PXDN: variants seen among roughly 807,000 people sequenced by gnomAD.
The protein encoded by PXDN is peroxidasin.
In PXDN, 77 loss-of-function variants were observed where a neutral mutation model predicts 140.3. The ratio of observed to expected loss-of-function variants is 0.55; its 90% CI spans 0.46 to 0.66. PXDN has a LOEUF of 0.66. PXDN is among the 30% of genes least tolerant of loss of function. The pLI, the probability that PXDN is intolerant of heterozygous loss-of-function variation, is 0.00. For synonymous variants in PXDN, 911 were observed against 857.4 expected (o/e 1.06, Z -1.09); for missense variants, 1,838 against 2,039.5 (o/e 0.90, Z 1.90).
chr2:1,666,300 A>G lies in PXDN; in HGVS notation c.1205T>C (p.Val402Ala). 1 of 1,614,014 alleles carries G rather than the reference A, an allele frequency of 6.2e-7. No individual in the cohort carries two copies. The highest frequency in any genetic ancestry group is 8.5e-7 in the Non-Finnish European group (1 of 1,179,898). The change falls in exon 10 of 23, where the codon GTC (valine) becomes GCC (alanine). Residue 402 changes from valine to alanine, a missense_variant. Physicochemically the swap from Val to Ala is moderately conservative, Grantham distance 64. This residue lies in a region of PXDN where 537 missense variants were observed against 583.9 expected (regional missense o/e 0.92). Transcript: ENST00000252804. Reference protein sequence around the residue: ...TPSGGLYIQNVVQGDSGEYAC... With the variant: ...TPSGGLYIQNAVQGDSGEYAC... ...ATACTCTCCGCTGTCCCCCTGTACGACGTTCTGTATGTAAAGCCCGCCAGA... is the reference window on the plus strand; with the variant it reads ...ATACTCTCCGCTGTCCCCCTGTACGGCGTTCTGTATGTAAAGCCCGCCAGA...
At chr2:1,683,517 C>T in intron 6 of PXDN, 139 bp downstream of exon 6, 10 of 810,572 alleles carry the variant, frequency 1.2e-5, no homozygotes, top group Non-Finnish European at 1.9e-5. Context: ...TGGATTCAAT[C>T]CACCCTCCAT....
intron 8 of PXDN, 64 bp downstream of exon 8, chr2:1,676,863 G>A: frequency 1.4e-6 from 2 of 1,470,000 alleles, no homozygotes; most frequent in African/African-American, 2.8e-5. Flanking sequence ...GTGAGGTGTG[G>A]TTTGGGTGTC....
At chr2:1,697,345 T>C (rs1229866045) in intron 1 of PXDN, among the ~76,000 whole-genome samples, 3 of 152,194 alleles carry the variant, frequency 2.0e-5, no homozygotes, top group Non-Finnish European at 2.9e-5. Flanking sequence ...CCACGTCTGA[T>C]CCTTAGCTTA....
intron 1 of PXDN, among the ~76,000 whole-genome samples, chr2:1,720,457 G>A (rs1190083074): frequency 6.6e-6 from 1 of 151,900 alleles, no homozygotes; most frequent in Non-Finnish European, 1.5e-5. Flanking sequence ...GAGAAGAGAG[G>A]CAGAAGGGAG....
At chr2:1,692,532 G>A (rs750871653) in intron 2 of PXDN, 17 of 471,758 alleles carry the variant, frequency 3.6e-5, no homozygotes, top group South Asian at 6.2e-5. Context: ...CTCTTACACC[G>A]TTGTGCTCAG....
intron 1 of PXDN, among the ~76,000 whole-genome samples, chr2:1,713,240 G>A (rs1684823914): frequency 1.3e-5 from 2 of 152,108 alleles, no homozygotes; most frequent in South Asian, 4.1e-4. Context: ...GCCTTGCAGA[G>A]CGAGATCTAA....
At chr2:1,690,648 CAAAAAAAAA>C (rs35970382) in intron 3 of PXDN, among the ~76,000 whole-genome samples, 2 of 68,638 alleles carry the variant, frequency 2.9e-5, no homozygotes, top group South Asian at 1.3e-3. Flanking sequence ...TTCAAAATAC[CAAAAAAAAA>C]AAAAAAAAAA....
chr2:1,703,564 GGT>G lies in PXDN; in HGVS notation c.201-10432_201-10431del, dbSNP rs1486826371. ...TGAAGGGGGGGCAGCTCCAGGTGAA[GGT>G]GGGGGACAACTCCAGGTGAAGGGGG... On this transcript the variant is annotated intron_variant, in intron 1 of 22. Coordinates refer to ENST00000252804, the MANE Select transcript of PXDN (RefSeq NM_012293.3). Among the ~76,000 whole-genome samples the G allele has an allele frequency of 6.0e-4, 14 of 23,210 alleles. 1 individual carries two copies. The highest frequency in any genetic ancestry group is 0.028 in the Middle Eastern group (1 of 36). 15.2% of individuals were successfully genotyped at this position (23,210 alleles called of 152,430 possible).
At chr2:1,692,081 G>A in intron 2 of PXDN, 82 bp from the exon 3 acceptor site, 1 of 1,027,164 alleles carries the variant, frequency 9.7e-7, no homozygotes, top group Non-Finnish European at 1.4e-6. Flanking sequence ...CGACAGCCTT[G>A]GAAAAGGTCA....
At chr2:1,638,712 G>C in intron 21 of PXDN, 134 bp downstream of exon 21, 4 of 1,376,284 alleles carry the variant, frequency 2.9e-6, no homozygotes, top group Non-Finnish European at 4.0e-6. Flanking sequence ...CACCCCCAAG[G>C]CTCCAGGGTC....
At chr2:1,719,833 A>AG in intron 1 of PXDN, among the ~76,000 whole-genome samples, 1 of 92,566 alleles carries the variant, frequency 1.1e-5, no homozygotes, top group African/African-American at 4.8e-5. Flanking sequence ...ACATGCGTGC[A>AG]TTGTGTGTGT....
rs1351061063 is a variant in PXDN, at chr2:1,714,350, T to G, written c.201-21216A>C. 3.9e-5 allele frequency among the ~76,000 whole-genome samples: 6 copies of G among 152,160 alleles called. No individual in the cohort carries two copies. Among genetic ancestry groups the G allele is most frequent in the Non-Finnish European group, 8.8e-5 (6 of 68,022 alleles). Reference sequence around the variant, plus strand: ...CCGATGGTCCGGCACCCTGGCCCACTCGCTCCCATGCCTTTGAGAGGAGAT... The same window carrying G: ...CCGATGGTCCGGCACCCTGGCCCACGCGCTCCCATGCCTTTGAGAGGAGAT... On this transcript the variant is annotated intron_variant, in intron 1 of 22. Coordinates refer to ENST00000252804, the MANE Select transcript of PXDN (RefSeq NM_012293.3). The surrounding 1 kb of genome is among the most constrained non-coding windows in gnomAD (Gnocchi z 4.3).
intron 11 of PXDN, 126 bp from the exon 12 acceptor site, chr2:1,663,889 C>A (rs1683368818): frequency 3.3e-6 from 4 of 1,217,800 alleles, no homozygotes; most frequent in Non-Finnish European, 4.6e-6. Context: ...TTTGGCCTGG[C>A]CCTGCATAAG....
chr2:1,684,299 A>C, intron 4 of PXDN, 148 bp from the exon 5 acceptor site: 2 of 662,960 alleles, frequency 3.0e-6, no homozygotes, highest in Non-Finnish European at 2.6e-6. Context: ...TGAACAATAC[A>C]TAAAATTATC....
At position 1,693,047 on chromosome 2, in the gene PXDN, G is replaced by T. The variant is rs1368051796; in HGVS notation, c.272+16C>A. The stretch of plus-strand genomic sequence containing the variant: ...TCTATTTTTCTATTAGTTTCCAATA[G>T]AATATTTCCACTCACAATGTGTTCA... On this transcript the variant is annotated intron_variant, in intron 2 of 22. Transcript: ENST00000252804. 16 of 1,521,356 alleles carry T rather than the reference G, an allele frequency of 1.1e-5. 1 individual carries two copies. The East Asian group carries it at 3.6e-4, about 35-fold the overall frequency. The allele number at this position is 1,521,356 out of a possible 1,614,324, so 94.2% of individuals were successfully genotyped here.
Position 1,643,319 on chromosome 2 carries a change from C to T in PXDN, c.3952+49G>A. On this transcript the variant is annotated intron_variant, in intron 19 of 22. Coordinates refer to ENST00000252804, the MANE Select transcript of PXDN (RefSeq NM_012293.3). The stretch of plus-strand genomic sequence containing the variant: ...TCATTAAGCACCCGCCAAGCAGTCA[C>T]CAAAACCAGGGATGAAAAAGGAACA... 3 of 1,584,848 alleles carry T rather than the reference C, an allele frequency of 1.9e-6. No homozygotes were observed. In the South Asian group the frequency reaches 3.3e-5, roughly 18 times the overall value.
At chr2:1,668,289 C>T (rs1288841545) in intron 9 of PXDN, among the ~76,000 whole-genome samples, 1 of 152,142 alleles carries the variant, frequency 6.6e-6, no homozygotes. Context: ...ACACCTTATA[C>T]AAAAATTAAC....
intron 8 of PXDN, among the ~76,000 whole-genome samples, chr2:1,675,619 A>G (rs187584922): frequency 1.3e-5 from 2 of 152,240 alleles, no homozygotes; most frequent in Admixed American, 1.3e-4. Flanking sequence ...CAAACCTCCC[A>G]TGTCCTCTTC....
intron 1 of PXDN, among the ~76,000 whole-genome samples, chr2:1,738,052 C>G (rs1685459341): frequency 6.6e-6 from 1 of 152,150 alleles, no homozygotes; most frequent in Non-Finnish European, 1.5e-5. Context: ...TCCTGAGGAG[C>G]TACTGGCCCA....
Sources: allele counts gnomAD v4.1 joint callset (sites outside exome capture counted in the v4.1 genomes callset), GRCh38; gene constraint gnomAD v4.1.1; regional missense constraint gnomAD v4.1.1; non-coding constraint Gnocchi (gnomAD v3.1); transcripts MANE v1.5; gene names NCBI Gene and HGNC (gene_info 2026-07-23, HGNC 2026-07-21).